ACER3: variants seen among roughly 807,000 people sequenced by gnomAD.
The protein encoded by ACER3 is alkCDase 3.
In ACER3, 16 loss-of-function variants were observed where a neutral mutation model predicts 48.9. The ratio of observed to expected loss-of-function variants is 0.33; its 90% CI spans 0.22 to 0.50. The LOEUF is 0.50. Ranked by LOEUF, ACER3 falls within the 20% of genes least tolerant of loss-of-function variation. The pLI, the probability that ACER3 is intolerant of heterozygous loss-of-function variation, is 0.98. For synonymous variants in ACER3, 109 were observed against 107.8 expected, an observed-to-expected ratio of 1.01 and a Z score of -0.07; for missense variants, 227 against 326.0, an observed-to-expected ratio of 0.70 and a Z score of 2.34.
chr11:76,909,834 A>G (rs1397018285), intron 1 of ACER3, among the ~76,000 whole-genome samples: 5 of 152,194 alleles, frequency 3.3e-5, no homozygotes, highest in Non-Finnish European at 7.3e-5. Flanking sequence ...TGTTTATTGC[A>G]GCACTATTCA....
chr11:76,952,145 C>T (rs1029717675), intron 2 of ACER3, among the ~76,000 whole-genome samples: 5 of 150,386 alleles, frequency 3.3e-5, no homozygotes, highest in Admixed American at 2.0e-4. Flanking sequence ...TATATACACA[C>T]ACACACACAC....
intron 1 of ACER3, among the ~76,000 whole-genome samples, chr11:76,907,452 A>G (rs1435886843): frequency 1.3e-5 from 2 of 152,218 alleles, no homozygotes; most frequent in Non-Finnish European, 2.9e-5. Flanking sequence ...TCCAATAAGG[A>G]TGACTGTTAA....
At chr11:76,937,782 A>G (rs1049919577) in intron 2 of ACER3, among the ~76,000 whole-genome samples, 1 of 152,192 alleles carries the variant, frequency 6.6e-6, no homozygotes, top group Non-Finnish European at 1.5e-5. Flanking sequence ...TTTTTATTTC[A>G]AAAGTATGTT....
intron 2 of ACER3, among the ~76,000 whole-genome samples, chr11:76,930,988 G>T (rs1024264502): frequency 3.4e-5 from 5 of 148,424 alleles, no homozygotes; most frequent in South Asian, 2.2e-4. Context: ...GGTCCGCTTG[G>T]TGCAGAGCTG....
chr11:76,887,811 CTTTTTT>C (rs67954212), intron 1 of ACER3, among the ~76,000 whole-genome samples: 1 of 87,184 alleles, frequency 1.1e-5, no homozygotes, highest in Non-Finnish European at 2.3e-5. Context: ...CTATAGGTAA[CTTTTTT>C]TTTTTTTTTT....
At chr11:76,948,914 G>C (rs1947557137) in intron 2 of ACER3, among the ~76,000 whole-genome samples, 1 of 152,086 alleles carries the variant, frequency 6.6e-6, no homozygotes, top group African/African-American at 2.4e-5. Flanking sequence ...AACCTTTCAT[G>C]ACAAATATTA....
intron 6 of ACER3, among the ~76,000 whole-genome samples, chr11:76,996,428 T>C (rs1462308986): frequency 8.4e-6 from 1 of 119,540 alleles, no homozygotes; most frequent in Non-Finnish European, 1.9e-5. Context: ...TTATTATTAT[T>C]ATTTTTTGAG....
At chr11:77,001,810 C>T (rs1949036835) in intron 7 of ACER3, among the ~76,000 whole-genome samples, 1 of 152,050 alleles carries the variant, frequency 6.6e-6, no homozygotes, top group Admixed American at 6.5e-5. Context: ...GAGGAATTTG[C>T]CCTCTATACT....
intron 2 of ACER3, among the ~76,000 whole-genome samples, chr11:76,954,732 C>T (rs1947791756): frequency 6.6e-6 from 1 of 152,052 alleles, no homozygotes; most frequent in Non-Finnish European, 1.5e-5. Flanking sequence ...TCCCAAGTAG[C>T]TGTGACTACA....
At chr11:76,900,736 T>C (rs779417437) in intron 1 of ACER3, among the ~76,000 whole-genome samples, 5 of 152,202 alleles carry the variant, frequency 3.3e-5, no homozygotes, top group Admixed American at 1.3e-4. Flanking sequence ...CACTGCTTCT[T>C]CTACATCTTC....
Position 77,021,522 on chromosome 11 carries a change from T to A in ACER3, c.*1195T>A, listed in dbSNP as rs1949472541. 2 of 152,176 alleles carry A rather than the reference T, an allele frequency of 1.3e-5. No homozygotes were observed. The highest frequency in any genetic ancestry group is 2.4e-5 in the African/African-American group (1 of 41,440). The allele number at this position is 152,176 out of a possible 1,614,324, so 9.4% of individuals were successfully genotyped here. ...TCACAAACTTAACACCTGCCTGGAG[T>A]AAAAATCTGATTTGACCCCTCTGCT... On this transcript the variant is annotated 3_prime_UTR_variant, in exon 11 of 11. Transcript: ENST00000532485.
At chr11:76,989,725 A>G (rs908818881) in intron 5 of ACER3, among the ~76,000 whole-genome samples, 1 of 152,204 alleles carries the variant, frequency 6.6e-6, no homozygotes, top group African/African-American at 2.4e-5. Flanking sequence ...AAGGATTTGA[A>G]TGTTAGGTTA....
intron 2 of ACER3, among the ~76,000 whole-genome samples, chr11:76,958,318 C>G (rs1037661562): frequency 1.3e-5 from 2 of 151,346 alleles, no homozygotes; most frequent in African/African-American, 4.9e-5. Context: ...TCCCGAGTAG[C>G]TGGTATTACG....
intron 2 of ACER3, among the ~76,000 whole-genome samples, chr11:76,933,536 C>T (rs1351704989): frequency 6.6e-6 from 1 of 151,734 alleles, no homozygotes; most frequent in Admixed American, 6.6e-5. Context: ...CATCTTGCAC[C>T]GTCCTTAATC....
intron 1 of ACER3, among the ~76,000 whole-genome samples, chr11:76,918,493 C>T (rs1946598428): frequency 6.6e-6 from 1 of 151,790 alleles, no homozygotes; most frequent in South Asian, 2.1e-4. Context: ...CAGGTTGCAC[C>T]TATTTTTGTT....
chr11:76,870,408 A>G (rs1945213635), intron 1 of ACER3, among the ~76,000 whole-genome samples: 1 of 152,172 alleles, frequency 6.6e-6, no homozygotes, highest in Non-Finnish European at 1.5e-5. Context: ...TGCTGGGATT[A>G]CAGGTGTGAG....
chr11:76,928,973 A>G (rs2134827291), intron 2 of ACER3, among the ~76,000 whole-genome samples: 1 of 152,308 alleles, frequency 6.6e-6, no homozygotes, highest in Non-Finnish European at 1.5e-5. Context: ...TGAACTTTAA[A>G]GTAGGTTTTT....
At chr11:76,961,874 A>G (rs1948003464) in intron 3 of ACER3, among the ~76,000 whole-genome samples, 1 of 149,752 alleles carries the variant, frequency 6.7e-6, no homozygotes, top group African/African-American at 2.5e-5. Context: ...GTTTCAAAGT[A>G]CCTTTCCACA....
intron 7 of ACER3, among the ~76,000 whole-genome samples, chr11:77,002,487 T>C (rs1281674632): frequency 6.6e-6 from 1 of 152,212 alleles, no homozygotes; most frequent in African/African-American, 2.4e-5. Context: ...TATTCTGAAT[T>C]CTTCACTTGT....
Sources: gnomAD v4.1 joint callset for allele counts (sites outside exome capture counted in the v4.1 genomes callset) on GRCh38, gnomAD v4.1.1 for gene constraint, MANE v1.5 for transcripts, NCBI Gene and HGNC (gene_info 2026-07-23, HGNC 2026-07-21) for gene names.